The following PRRC2B variants were observed in gnomAD, a reference collection of about 807,000 sequenced individuals.
PRRC2B encodes protein PRRC2B.
Under a neutral mutation model 242.3 loss-of-function variants are expected in PRRC2B, and 68 were observed. The observed-to-expected ratio is 0.28, with a 90% confidence interval of 0.23 to 0.34. The LOEUF is 0.34. Ranked by LOEUF, PRRC2B falls within the 10% of genes least tolerant of loss-of-function variation. The probability of loss-of-function intolerance (pLI) is 1.00; values close to 1 mark genes in which losing one functional copy is unlikely to be tolerated. For missense variants in PRRC2B, 2,835 were observed against 2,954.8 expected, an observed-to-expected ratio of 0.96 and a Z score of 0.94; for synonymous variants, 1,228 against 1,173.6, an observed-to-expected ratio of 1.05 and a Z score of -0.95.
intron 9 of PRRC2B, among the ~76,000 whole-genome samples, chr9:131,453,927 G>A (rs763940294): frequency 1.3e-5 from 2 of 152,070 alleles, no homozygotes; most frequent in Non-Finnish European, 2.9e-5. Context: ...TAGTTTAGTG[G>A]TTTTTAGTAT....
In PRRC2B at chr9:131,373,733, T is replaced by G. The variant is rs982728674; in HGVS notation, c.-56+2T>G. 3.9e-5 allele frequency: 6 copies of G among 152,318 alleles called. No individual in the cohort carries two copies. Among genetic ancestry groups the G allele is most frequent in the Non-Finnish European group, 7.3e-5 (5 of 68,056 alleles). The allele number at this position is 152,318 out of a possible 1,614,324, so 9.4% of individuals were successfully genotyped here. ...AGGCGGAGGCAGCACCCACGCCAGG[T>G]GAGCCGTCGTTTCTTTGCGTGGATC... On this transcript the variant is annotated splice_donor_variant, in intron 1 of 1. Coordinates refer to the PRRC2B transcript ENST00000682525. LOFTEE classifies it low-confidence loss of function (5UTR_SPLICE).
At position 131,479,321 on chromosome 9, in the gene PRRC2B, T is replaced by A; in HGVS notation, c.4828T>A (p.Cys1610Ser). The change falls in exon 19 of 32, where the codon TGT becomes AGT. Residue 1610 changes from cysteine (C) to serine (S), a missense_variant. Physicochemically the swap from Cys to Ser is moderately radical, Grantham distance 112. Transcript: ENST00000683519. ...ATTTGCAAAAAAGCAGAACAACTTATGTCTGGAGCAAGGTGACGTGACCGT... is the reference window on the plus strand; with the variant it reads ...ATTTGCAAAAAAGCAGAACAACTTAAGTCTGGAGCAAGGTGACGTGACCGT... Reference protein sequence around the residue: ...PRFAKKQNNLCLEQGDVTVPG... With the variant: ...PRFAKKQNNLSLEQGDVTVPG... The A allele has an allele frequency of 6.2e-7, 1 of 1,613,972 alleles. No homozygotes were observed. The highest frequency in any genetic ancestry group is 8.5e-7 in the Non-Finnish European group (1 of 1,179,856).
chr9:131,420,481 C>T (rs193122780), intron 1 of PRRC2B, among the ~76,000 whole-genome samples: 2 of 13,416 alleles, frequency 1.5e-4, no homozygotes, highest in Non-Finnish European at 2.0e-4. Context: ...TTCTTTCTTT[C>T]TTTCTTTCTT....
chr9:131,393,008 G>T (rs1836930616), upstream of PRRC2B, among the ~76,000 whole-genome samples: 1 of 151,982 alleles, frequency 6.6e-6, no homozygotes, highest in Non-Finnish European at 1.5e-5. Context: ...TATAAATAAG[G>T]CTATAAAAGT....
At chr9:131,397,997 T>C (rs1201582035) in intron 1 of PRRC2B, among the ~76,000 whole-genome samples, 1 of 152,236 alleles carries the variant, frequency 6.6e-6, no homozygotes, top group Non-Finnish European at 1.5e-5. Context: ...TTCTGGGACT[T>C]GTACAGCCTC....
At chr9:131,408,377 A>G (rs1231105138) in intron 1 of PRRC2B, among the ~76,000 whole-genome samples, 2 of 152,184 alleles carry the variant, frequency 1.3e-5, no homozygotes, top group African/African-American at 2.4e-5. Context: ...TTGTGGTGGG[A>G]CATGTTCAGT....
intron 1 of PRRC2B, among the ~76,000 whole-genome samples, chr9:131,380,393 C>T (rs929263521): frequency 2.6e-5 from 4 of 152,002 alleles, no homozygotes; most frequent in African/African-American, 9.7e-5. Flanking sequence ...GCCTGGGCAA[C>T]ATGGTGAAAC....
intron 1 of PRRC2B, among the ~76,000 whole-genome samples, chr9:131,427,531 C>G (rs56969251): frequency 1.3e-5 from 2 of 152,196 alleles, no homozygotes; most frequent in African/African-American, 4.8e-5. Flanking sequence ...GGGGTTTCAC[C>G]GTGTTAGCCG....
rs139211463 is a variant in PRRC2B at position 131,426,575 on chromosome 9, C to A, written c.-51-3519C>A. On this transcript the variant is annotated intron_variant, in intron 1 of 31. Coordinates refer to ENST00000683519, the MANE Select transcript of PRRC2B (RefSeq NM_013318.4). ...GGGAGATTTAAAATGGCCCATGGAC[C>A]CCAGGGCAAGGAAGCAGCCAGGTCA... 7.2e-5 allele frequency among the ~76,000 whole-genome samples: 11 copies of A among 151,952 alleles called. 1 individual carries two copies. In the East Asian group the frequency reaches 2.1e-3, roughly 29 times the overall value.
At chr9:131,447,598 A>G in intron 8 of PRRC2B, 64 bp from the exon 9 acceptor site, 1 of 1,405,416 alleles carries the variant, frequency 7.1e-7, no homozygotes, top group Non-Finnish European at 9.5e-7. Context: ...TATTTTTGGA[A>G]AGGTATTTGA....
chr9:131,380,298 ACGGG>A (rs1437217547), intron 1 of PRRC2B, among the ~76,000 whole-genome samples: 2 of 270 alleles, frequency 7.4e-3, no homozygotes, highest in Non-Finnish European at 0.015. Flanking sequence ...TAAGCTGGGC[ACGGG>A]CACGGTGGCT....
At position 131,487,315 on chromosome 9, in the gene PRRC2B, G is replaced by T. The variant is rs563009857; in HGVS notation, c.5984+21G>T. 1 of 1,575,040 alleles carries T rather than the reference G, an allele frequency of 6.3e-7. No homozygotes were observed. Among genetic ancestry groups the T allele is most frequent in the African/African-American group, 1.3e-5 (1 of 74,144 alleles). On this transcript the variant is annotated intron_variant, in intron 27 of 31. Coordinates refer to ENST00000683519, the MANE Select transcript of PRRC2B (RefSeq NM_013318.4). The surrounding 1 kb of genome is among the most constrained non-coding windows in gnomAD (Gnocchi z 5.3). ...TTCAGGTGAGCTCATGTACCAGCTTGCGGAGCTGGCAGCTCACAGCCAGGG... is the reference window on the plus strand; with the variant it reads ...TTCAGGTGAGCTCATGTACCAGCTTTCGGAGCTGGCAGCTCACAGCCAGGG...
upstream of PRRC2B, among the ~76,000 whole-genome samples, chr9:131,390,781 C>CTTTTT (rs57100225): frequency 1.1e-4 from 4 of 36,944 alleles, no homozygotes; most frequent in African/African-American, 3.0e-4. Context: ...TGTGCCCTAG[C>CTTTTT]TTTTTTTTTT....
intron 5 of PRRC2B, among the ~76,000 whole-genome samples, chr9:131,441,387 C>T (rs745363281): frequency 3.9e-5 from 6 of 151,982 alleles, no homozygotes; most frequent in Non-Finnish European, 7.4e-5. Context: ...CACAATAAAG[C>T]TTGATGGAGA....
chr9:131,431,378 C>T (rs1374568679), intron 2 of PRRC2B, among the ~76,000 whole-genome samples: 1 of 151,874 alleles, frequency 6.6e-6, no homozygotes, highest in East Asian at 2.0e-4. Flanking sequence ...GATCGGCTTG[C>T]CTCGGCCTCC....
Position 131,430,052 on chromosome 9 carries a change from T to TTC in PRRC2B, c.-51-34_-51-33dup, listed in dbSNP as rs1265056337. 4 of 661,802 alleles carry TTC rather than the reference T, an allele frequency of 6.0e-6. No individual in the cohort carries two copies. In the East Asian group the frequency reaches 8.4e-5, roughly 14 times the overall value. The allele number at this position is 661,802 out of a possible 1,614,324, so 41.0% of individuals were successfully genotyped here. A position where few individuals can be genotyped will look rare whatever the true frequency, so the allele number is the denominator to read the frequency against. ...GCTGTAGTGACACTCTTTTTTTTTT[T>TTC]TCTCTCTCTTTTTTTTTTTTTCTTC... On this transcript the variant is annotated intron_variant, in intron 1 of 31. Coordinates refer to ENST00000683519, the MANE Select transcript of PRRC2B (RefSeq NM_013318.4).
upstream of PRRC2B, chr9:131,393,993 C>G (rs1043164721): frequency 2.0e-5 from 3 of 151,414 alleles, no homozygotes; most frequent in South Asian, 5.3e-4. Context: ...CTGCGCGGGC[C>G]CAGGTTGCGG....
chr9:131,481,992 A>T (rs759865969), intron 20 of PRRC2B, among the ~76,000 whole-genome samples, 184 bp downstream of exon 20: 5 of 152,160 alleles, frequency 3.3e-5, no homozygotes, highest in Admixed American at 6.5e-5. Flanking sequence ...TGGCCTGTGC[A>T]TGGGGCGTGC....
intron 1 of PRRC2B, among the ~76,000 whole-genome samples, chr9:131,425,587 A>T (rs1020374975): frequency 1.2e-4 from 18 of 151,786 alleles, no homozygotes; most frequent in African/African-American, 4.4e-4. Flanking sequence ...TTCTGGGTTC[A>T]TGCCATTCTC....
Sources: allele counts gnomAD v4.1 joint callset (sites outside exome capture counted in the v4.1 genomes callset), GRCh38; gene constraint gnomAD v4.1.1; non-coding constraint Gnocchi (gnomAD v3.1); transcripts MANE v1.5; gene names NCBI Gene and HGNC (gene_info 2026-07-23, HGNC 2026-07-21).